The following MKLN1 variants were observed in gnomAD, a reference collection of about 807,000 sequenced individuals.
MKLN1 encodes muskelin 1, also known as muskelin.
Under a neutral mutation model 99.0 loss-of-function variants are expected in MKLN1, and 18 were observed. The observed-to-expected ratio is 0.18, with a 90% CI of 0.13 to 0.27. MKLN1 has a LOEUF of 0.27. MKLN1 is among the 10% of genes least tolerant of loss of function. The probability of loss-of-function intolerance (pLI) is 1.00; values close to 1 mark genes in which losing one functional copy is unlikely to be tolerated. For missense variants in MKLN1, 621 were observed against 875.9 expected, an observed-to-expected ratio of 0.71 and a Z score of 3.67; for synonymous variants, 288 against 293.2, an observed-to-expected ratio of 0.98 and a Z score of 0.18.
chr7:131,201,077 C>G (rs115594728), intron 2 of MKLN1, among the ~76,000 whole-genome samples: 1 of 152,040 alleles, frequency 6.6e-6, no homozygotes, highest in Admixed American at 6.6e-5. Context: ...TGATGTACAG[C>G]GGTGCCATCT....
chr7:131,454,219 T>C (rs1796269072), intron 12 of MKLN1, among the ~76,000 whole-genome samples: 1 of 152,220 alleles, frequency 6.6e-6, no homozygotes, highest in South Asian at 2.1e-4. Context: ...TAGTATTGTA[T>C]GCAAGGAGAA....
chr7:131,189,341 ATCTTCAC>A (rs1365304895), intron 2 of MKLN1, among the ~76,000 whole-genome samples: 1 of 152,120 alleles, frequency 6.6e-6, no homozygotes. Flanking sequence ...TTGCTAGAAA[ATCTTCAC>A]TATTACCAAA....
At chr7:131,434,509 G>A (rs1010591661) in intron 9 of MKLN1, among the ~76,000 whole-genome samples, 1 of 152,014 alleles carries the variant, frequency 6.6e-6, no homozygotes, top group Non-Finnish European at 1.5e-5. Context: ...TAAAGAAGCA[G>A]TCATTTTTCT....
At chr7:131,399,539 TG>T in intron 6 of MKLN1, 106 bp downstream of exon 6, 1 of 952,824 alleles carries the variant, frequency 1.0e-6, no homozygotes, top group Non-Finnish European at 1.6e-6. Flanking sequence ...TTTTTTTTCT[TG>T]GTTTTTTACT....
intron 3 of MKLN1, among the ~76,000 whole-genome samples, chr7:131,239,725 C>A (rs1425731728): frequency 6.6e-6 from 1 of 152,186 alleles, no homozygotes; most frequent in East Asian, 1.9e-4. Flanking sequence ...TACGGTGGCT[C>A]ATCCCTGTAA....
chr7:131,271,415 G>C (rs185717007), intron 3 of MKLN1, among the ~76,000 whole-genome samples: 2 of 151,940 alleles, frequency 1.3e-5, no homozygotes, highest in South Asian at 4.2e-4. Context: ...TCAGGAGATC[G>C]AGACCATCCT....
At chr7:131,155,189 A>G (rs1795945734) in intron 2 of MKLN1, among the ~76,000 whole-genome samples, 1 of 152,172 alleles carries the variant, frequency 6.6e-6, no homozygotes, top group South Asian at 2.1e-4. Context: ...TTTGCCCTTT[A>G]TATCTCAAGA....
At chr7:131,448,891 C>T (rs1460007643) in intron 12 of MKLN1, among the ~76,000 whole-genome samples, 2 of 152,178 alleles carry the variant, frequency 1.3e-5, no homozygotes, top group African/African-American at 2.4e-5. Flanking sequence ...CTTCCCTCCC[C>T]ACTTAGTTCA....
chr7:131,306,846 G>A (rs1038617671), intron 3 of MKLN1, among the ~76,000 whole-genome samples: 5 of 152,202 alleles, frequency 3.3e-5, no homozygotes, highest in Non-Finnish European at 7.3e-5. Context: ...CAAAAATTGG[G>A]TAAGTAAAGA....
intron 3 of MKLN1, among the ~76,000 whole-genome samples, chr7:131,317,163 A>G (rs1256105191): frequency 6.6e-6 from 1 of 152,168 alleles, no homozygotes; most frequent in Non-Finnish European, 1.5e-5. Flanking sequence ...TCAGATTCCC[A>G]AACATTGAAA....
chr7:131,417,382 G>A (rs1297353203), intron 8 of MKLN1, among the ~76,000 whole-genome samples: 1 of 151,872 alleles, frequency 6.6e-6, no homozygotes, highest in Non-Finnish European at 1.5e-5. Flanking sequence ...ATGAATTCTG[G>A]GTCAAACTTT....
At chr7:131,464,517 C>A in intron 14 of MKLN1, 109 bp downstream of exon 14, 1 of 584,360 alleles carries the variant, frequency 1.7e-6, no homozygotes. Flanking sequence ...AGTTAAAATA[C>A]ATAGTAGACA....
At chr7:131,414,760 C>G in intron 8 of MKLN1, 50 bp downstream of exon 8, 1 of 1,105,104 alleles carries the variant, frequency 9.0e-7, no homozygotes, top group Non-Finnish European at 1.2e-6. Context: ...CTACAGGCAT[C>G]GTCTAAACCA....
rs540813153 is a variant in MKLN1 at position 131,180,465 on chromosome 7, G to A, written c.-296-22392G>A. Among the ~76,000 whole-genome samples the A allele has an allele frequency of 6.0e-4, 92 of 152,272 alleles. 1 individual carries two copies. The highest frequency in any genetic ancestry group is 1.9e-3 in the African/African-American group (80 of 41,562). Reference sequence around the variant, plus strand: ...TGTAATCCCAGCACTTTGGGAGGCCGAGGCGGGCGGATCACCTGAGGTCAG... The same window carrying A: ...TGTAATCCCAGCACTTTGGGAGGCCAAGGCGGGCGGATCACCTGAGGTCAG... On this transcript the variant is annotated intron_variant, in intron 2 of 7. Coordinates refer to the MKLN1 transcript ENST00000416992.
intron 1 of MKLN1, among the ~76,000 whole-genome samples, chr7:131,342,250 T>C (rs1292929141): frequency 1.3e-5 from 2 of 152,178 alleles, no homozygotes; most frequent in Admixed American, 1.3e-4. Context: ...TGGGATTAGA[T>C]CGCAAATTGC....
chr7:131,400,513 A>AT (rs1322970037), intron 6 of MKLN1, among the ~76,000 whole-genome samples: 9 of 126,742 alleles, frequency 7.1e-5, no homozygotes, highest in African/African-American at 3.1e-4. Flanking sequence ...TACCAATAAA[A>AT]AAAAAATATA....
At chr7:131,262,423 C>T (rs1797745862) in intron 3 of MKLN1, among the ~76,000 whole-genome samples, 1 of 152,006 alleles carries the variant, frequency 6.6e-6, no homozygotes, top group East Asian at 1.9e-4. Flanking sequence ...GGCGACAGAG[C>T]GAGACTCCGT....
At chr7:131,214,367 G>A (rs1359040815) in intron 3 of MKLN1, among the ~76,000 whole-genome samples, 6 of 152,240 alleles carry the variant, frequency 3.9e-5, no homozygotes, top group South Asian at 2.1e-4. Context: ...TTGGGATGGG[G>A]TGGGTAAGTT....
At chr7:131,216,374 C>G (rs4731767) in intron 3 of MKLN1, among the ~76,000 whole-genome samples, 79,296 of 149,610 alleles carry the variant, frequency 0.53, 21,173 homozygotes, top group Admixed American at 0.59. Context: ...AGTGAGCCGA[C>G]ATTGCGCCAC....
Sources: gnomAD v4.1 joint callset for allele counts (sites outside exome capture counted in the v4.1 genomes callset) on GRCh38, gnomAD v4.1.1 for gene constraint, MANE v1.5 for transcripts, NCBI Gene and HGNC (gene_info 2026-07-23, HGNC 2026-07-21) for gene names.